PDS5A: variants seen among roughly 807,000 people sequenced by gnomAD.
PDS5A encodes sister chromatid cohesion protein PDS5 homolog A.
PDS5A carries 42 observed loss-of-function variants against 167.1 expected under a neutral mutation model. The observed-to-expected ratio is 0.25, with a 90% CI of 0.20 to 0.33. The LOEUF is 0.33. Ranked by LOEUF, PDS5A falls within the 10% of genes least tolerant of loss-of-function variation. The pLI, the probability that PDS5A is intolerant of heterozygous loss-of-function variation, is 1.00. For missense variants in PDS5A, 1,033 were observed against 1,605.9 expected, an observed-to-expected ratio of 0.64 and a Z score of 6.10; for synonymous variants, 553 against 554.6, an observed-to-expected ratio of 1.00 and a Z score of 0.04.
intron 7 of PDS5A, 56 bp from the exon 8 acceptor site, chr4:39,917,244 T>C (rs1350353777): frequency 3.6e-5 from 42 of 1,152,690 alleles, no homozygotes; most frequent in Non-Finnish European, 5.0e-5. Context: ...AAAACATGGA[T>C]ACATTTTTAA....
rs577846303 is a variant in PDS5A at position 39,863,265 on chromosome 4, T to G, written c.2766+71A>C. On this transcript the variant is annotated intron_variant, in intron 24 of 32. Coordinates refer to ENST00000303538, the MANE Select transcript of PDS5A (RefSeq NM_001100399.2). ...GCATATATTCACATTATAAATGGAT[T>G]TGTATCCATAGAAAAGTAATGTATT... is the stretch of plus-strand genomic sequence containing the variant. 2.7e-4 allele frequency: 320 copies of G among 1,188,540 alleles called. No individual in the cohort carries two copies. In the East Asian group the frequency reaches 6.2e-3, roughly 23 times the overall value. 73.6% of individuals were successfully genotyped at this position (1,188,540 alleles called of 1,614,324 possible). A position where few individuals can be genotyped will look rare whatever the true frequency, so the allele number is the denominator to read the frequency against.
chr4:39,910,197 A>G, intron 10 of PDS5A, 47 bp downstream of exon 10: 1 of 943,676 alleles, frequency 1.1e-6, no homozygotes, highest in Non-Finnish European at 1.7e-6. Context: ...TATCTACAAT[A>G]TAGTTGTATG....
chr4:39,940,504 T>G (rs1727124097), intron 2 of PDS5A, among the ~76,000 whole-genome samples: 1 of 152,170 alleles, frequency 6.6e-6, no homozygotes, highest in African/African-American at 2.4e-5. Flanking sequence ...ATATAAGAAT[T>G]TTAGATACAT....
chr4:39,951,898 C>CAAAAAAAAAAAA lies in PDS5A; in HGVS notation c.139-23746_139-23735dup, dbSNP rs1161911794. Among the ~76,000 whole-genome samples, 170 of 68,772 alleles carry CAAAAAAAAAAAA rather than the reference C, an allele frequency of 2.5e-3. 7 individuals carry two copies. The highest frequency in any genetic ancestry group is 0.015 in the East Asian group (29 of 1,944). 45.1% of individuals were successfully genotyped at this position (68,772 alleles called of 152,430 possible). A position where few individuals can be genotyped will look rare whatever the true frequency, so the allele number is the denominator to read the frequency against. On this transcript the variant is annotated intron_variant, in intron 2 of 32. Coordinates refer to ENST00000303538, the MANE Select transcript of PDS5A (RefSeq NM_001100399.2). ...CTGGGTGACAGAGCAGAGTCTGTCT[C>CAAAAAAAAAAAA]AAAAAAAAAAAAAAAAAAAAAATCT...
chr4:39,918,022 TA>T (rs1204143282), intron 7 of PDS5A, among the ~76,000 whole-genome samples: 2 of 151,554 alleles, frequency 1.3e-5, no homozygotes, highest in Non-Finnish European at 2.9e-5. Flanking sequence ...CTACAAAAAA[TA>T]AAAAAATTAT....
chr4:39,843,809 A>G (rs940049366), intron 30 of PDS5A, among the ~76,000 whole-genome samples: 3 of 152,124 alleles, frequency 2.0e-5, no homozygotes, highest in South Asian at 4.1e-4. Flanking sequence ...ATATATTAAT[A>G]GTTTCAAAGT....
intron 16 of PDS5A, among the ~76,000 whole-genome samples, chr4:39,897,011 G>A (rs1217711101): frequency 6.6e-6 from 1 of 151,906 alleles, no homozygotes; most frequent in Non-Finnish European, 1.5e-5. Context: ...ATCACCCTGA[G>A]TTCTGTTATA....
In PDS5A at chr4:39,841,981, T is replaced by C. The variant is rs1717074146; in HGVS notation, c.3624A>G (p.Thr1208=). 6.9e-6 allele frequency: 11 copies of C among 1,601,178 alleles called. No individual in the cohort carries two copies. Among genetic ancestry groups the C allele is most frequent in the Non-Finnish European group, 9.4e-6 (11 of 1,168,386 alleles). ...EENPVRIISV[T]PVKNIDPVKN... is the part of the protein sequence containing the mutation. ...TTACTGGGTCAATATTCTTTACAGG[T>C]GTGACTGAAATAATCCTCACAGGGT... The change falls in exon 31 of 33, where the codon ACA becomes ACG. Residue 1208 remains threonine (T), a synonymous_variant. Transcript: ENST00000303538.
At chr4:39,952,636 G>A (rs952228230) in intron 2 of PDS5A, among the ~76,000 whole-genome samples, 1 of 151,736 alleles carries the variant, frequency 6.6e-6, no homozygotes, top group Non-Finnish European at 1.5e-5. Context: ...CTGAGAAGAT[G>A]AGGTGCTTAC....
intron 6 of PDS5A, among the ~76,000 whole-genome samples, chr4:39,921,919 G>T (rs989861045): frequency 3.3e-5 from 5 of 152,188 alleles, no homozygotes; most frequent in African/African-American, 1.2e-4. Context: ...AACTCGAGAA[G>T]AATTTAAAAT....
In PDS5A at chr4:39,873,135, T is replaced by C; in HGVS notation, c.2287A>G (p.Arg763Gly). The C allele has an allele frequency of 6.7e-7, 1 of 1,486,226 alleles. No individual in the cohort carries two copies. 92.1% of individuals were successfully genotyped at this position (1,486,226 alleles called of 1,614,324 possible). Reference protein sequence around the residue: ...QLAQIFEPLSRSLNADVPEQL... With the variant: ...QLAQIFEPLSGSLNADVPEQL... ...TCTGGCACATCAGCATTCAGACTCC[T>C]ACTGAGTGGCTATAAAAATAAAACA... is the stretch of plus-strand genomic sequence containing the variant. Residue 763 changes from arginine to glycine, a missense_variant, in exon 21 of 33, where the codon AGG becomes GGG. Around this residue, in one of 4 missense-constraint regions of PDS5A, gnomAD observed 367 missense variants for 686.7 expected, o/e 0.53. Coordinates refer to ENST00000303538, the MANE Select transcript of PDS5A (RefSeq NM_001100399.2).
intron 16 of PDS5A, among the ~76,000 whole-genome samples, chr4:39,892,659 T>C (rs1722075472): frequency 6.6e-6 from 1 of 152,250 alleles, no homozygotes; most frequent in African/African-American, 2.4e-5. Flanking sequence ...TTATAAAATT[T>C]ATTTAATCAT....
intron 2 of PDS5A, among the ~76,000 whole-genome samples, chr4:39,932,103 G>T (rs1726127658): frequency 6.6e-6 from 1 of 151,976 alleles, no homozygotes; most frequent in East Asian, 1.9e-4. Context: ...ACGTTGGCTG[G>T]GTTGGTCTTC....
intron 31 of PDS5A, among the ~76,000 whole-genome samples, chr4:39,840,634 G>A (rs769582848): frequency 6.6e-6 from 1 of 151,722 alleles, no homozygotes; most frequent in Non-Finnish European, 1.5e-5. Flanking sequence ...GACCTCAGGC[G>A]ATTTGCCTGC....
At chr4:39,830,816 T>C (rs1346833312) in intron 32 of PDS5A, among the ~76,000 whole-genome samples, 1 of 152,164 alleles carries the variant, frequency 6.6e-6, no homozygotes, top group Non-Finnish European at 1.5e-5. Flanking sequence ...CTGATCTATC[T>C]CTCGGTTTTC....
intron 26 of PDS5A, among the ~76,000 whole-genome samples, chr4:39,857,808 G>C (rs772519928): frequency 1.1e-4 from 16 of 152,046 alleles, no homozygotes; most frequent in Non-Finnish European, 2.4e-4. Flanking sequence ...AAGAACTGGA[G>C]ACACCAATAA....
At chr4:39,972,910 G>T (rs780413806) in intron 2 of PDS5A, among the ~76,000 whole-genome samples, 29 of 151,382 alleles carry the variant, frequency 1.9e-4, no homozygotes, top group South Asian at 8.3e-4. Flanking sequence ...TTTTTGTGGG[G>T]TTTTTTTTGT....
chr4:39,885,092 G>T (rs925953892), intron 17 of PDS5A, among the ~76,000 whole-genome samples: 3 of 148,004 alleles, frequency 2.0e-5, no homozygotes, highest in Non-Finnish European at 4.5e-5. Flanking sequence ...GTGAAACCCT[G>T]CTCTACTAAA....
At chr4:39,922,846 A>G in intron 5 of PDS5A, 98 bp from the exon 6 acceptor site, 1 of 1,277,266 alleles carries the variant, frequency 7.8e-7, no homozygotes, top group Non-Finnish European at 1.0e-6. Context: ...TAAAACAACA[A>G]TCTCACATGT....
Sources: allele counts gnomAD v4.1 joint callset (sites outside exome capture counted in the v4.1 genomes callset), GRCh38; gene constraint gnomAD v4.1.1; regional missense constraint gnomAD v4.1.1; transcripts MANE v1.5; gene names NCBI Gene and HGNC (gene_info 2026-07-23, HGNC 2026-07-21).